The following FBXO7 variants were observed in gnomAD, a reference collection of about 807,000 sequenced individuals.
FBXO7 encodes F-box only protein 7.
In FBXO7, 31 loss-of-function variants were observed where a neutral mutation model predicts 50.2. That is an observed-to-expected ratio of 0.62 (90% CI 0.46 to 0.83). The LOEUF (loss-of-function observed/expected upper bound fraction) is 0.83. Among genes scored for constraint, FBXO7 ranks in the 40% least tolerant of loss-of-function variants. FBXO7 has a pLI of 0.00. For synonymous variants in FBXO7, 256 were observed against 253.1 expected, an observed-to-expected ratio of 1.01 and a Z score of -0.11; for missense variants, 667 against 646.6, an observed-to-expected ratio of 1.03 and a Z score of -0.34.
chr22:32,496,108 T>G (rs2057572672), intron 8 of FBXO7, among the ~76,000 whole-genome samples: 2 of 152,218 alleles, frequency 1.3e-5, no homozygotes, highest in Admixed American at 6.5e-5. Context: ...CTGACTCTTT[T>G]GTTAGGGGCT....
intron 5 of FBXO7, 195 bp downstream of exon 5, chr22:32,488,023 C>G (rs1763384201): frequency 3.7e-6 from 2 of 543,518 alleles, no homozygotes; most frequent in Non-Finnish European, 6.6e-6. Flanking sequence ...GAGTTTGTTT[C>G]TTTCCTGTTT....
At chr22:32,478,853 T>G in intron 1 of FBXO7, 128 bp from the exon 2 acceptor site, 1 of 924,970 alleles carries the variant, frequency 1.1e-6, no homozygotes, top group Non-Finnish European at 1.7e-6. Flanking sequence ...GACAACATAG[T>G]GAGACCTTGT....
chr22:32,474,862 C>T lies in FBXO7; in HGVS notation c.-141C>T. 2.5e-6 allele frequency: 2 copies of T among 805,362 alleles called. No individual in the cohort carries two copies. The highest frequency in any genetic ancestry group is 3.7e-6 in the Non-Finnish European group (2 of 535,866). 49.9% of individuals were successfully genotyped at this position (805,362 alleles called of 1,614,324 possible). A position where few individuals can be genotyped will look rare whatever the true frequency, so the allele number is the denominator to read the frequency against. On this transcript the variant is annotated 5_prime_UTR_variant, in exon 1 of 9. Transcript: ENST00000266087. ...GGCGGCCACTGTGGCGGGGCTCTTT[C>T]CCCGTTTCGCCTCAGCTACCCCTCA... is the stretch of plus-strand genomic sequence containing the variant.
In FBXO7 at chr22:32,474,974, C is replaced by T. The variant is rs1245174573; in HGVS notation, c.-29C>T. ...GCCGTCCCCGTCGCCGCTTCCGGGTCCAGGCCCCTCGGGCCGCCTGCCGCC... is the reference window on the plus strand; with the variant it reads ...GCCGTCCCCGTCGCCGCTTCCGGGTTCAGGCCCCTCGGGCCGCCTGCCGCC... On this transcript the variant is annotated 5_prime_UTR_variant, in exon 1 of 9. Transcript: ENST00000266087. The T allele has an allele frequency of 3.3e-6, 5 of 1,527,920 alleles. No individual in the cohort carries two copies. Among genetic ancestry groups the T allele is most frequent in the Non-Finnish European group, 3.5e-6 (4 of 1,142,488 alleles). The allele number at this position is 1,527,920 out of a possible 1,614,324, so 94.6% of individuals were successfully genotyped here.
intron 5 of FBXO7, chr22:32,490,219 T>A (rs2057525625): frequency 6.6e-6 from 1 of 152,362 alleles, no homozygotes; most frequent in Non-Finnish European, 1.5e-5. Context: ...ACAACGCTTA[T>A]CTGGTGTAGT....
intron 8 of FBXO7, among the ~76,000 whole-genome samples, chr22:32,496,679 A>G (rs948879039): frequency 1.3e-5 from 2 of 152,254 alleles, no homozygotes; most frequent in Non-Finnish European, 2.9e-5. Flanking sequence ...CAATGCAGCC[A>G]GTCATCCCAG....
rs973628333 is a variant in FBXO7 at position 32,474,956 on chromosome 22, C to G, written c.-47C>G. The G allele has an allele frequency of 6.6e-7, 1 of 1,508,650 alleles. No individual in the cohort carries two copies. Among genetic ancestry groups the G allele is most frequent in the South Asian group, 1.2e-5 (1 of 81,296 alleles). The allele number at this position is 1,508,650 out of a possible 1,614,324, so 93.5% of individuals were successfully genotyped here. A position where few individuals can be genotyped will look rare whatever the true frequency, so the allele number is the denominator to read the frequency against. On this transcript the variant is annotated 5_prime_UTR_variant, in exon 1 of 9. Coordinates refer to ENST00000266087, the MANE Select transcript of FBXO7 (RefSeq NM_012179.4). ...GAGCTGCTCGGCCCCGCCGCCGTCCCCGTCGCCGCTTCCGGGTCCAGGCCC... is the reference window on the plus strand; with the variant it reads ...GAGCTGCTCGGCCCCGCCGCCGTCCGCGTCGCCGCTTCCGGGTCCAGGCCC...
chr22:32,484,206 T>G, intron 3 of FBXO7, 82 bp downstream of exon 3: 1 of 1,243,710 alleles, frequency 8.0e-7, no homozygotes, highest in Non-Finnish European at 1.2e-6. Flanking sequence ...GCCCGTAGTC[T>G]GAGAGTGGCA....
intron 6 of FBXO7, 198 bp downstream of exon 6, chr22:32,491,379 A>T (rs1486739380): frequency 2.3e-5 from 12 of 532,218 alleles, no homozygotes; most frequent in African/African-American, 3.8e-5. Flanking sequence ...ACATATTTTT[A>T]TTGTAGTCTC....
chr22:32,491,264 G>C (rs1232328017), intron 6 of FBXO7, 83 bp downstream of exon 6: 16 of 1,002,530 alleles, frequency 1.6e-5, no homozygotes, highest in East Asian at 4.9e-5. Context: ...TATGACATCT[G>C]ACTGCCCTCT....
chr22:32,478,999 A>G lies in FBXO7; in HGVS notation c.141A>G (p.Thr47=). Residue 47 remains threonine (T), a synonymous_variant, in exon 2 of 9, where the codon ACA becomes ACG. Transcript: ENST00000266087. ...TTGGCAGTTCTAATACCCGATTTAC[A>G]ATTACATTGAACTACAAGGATCCCC... The part of the protein sequence containing the change: ...TWGYSSNTRF[T]ITLNYKDPLT... The G allele has an allele frequency of 6.2e-7, 1 of 1,614,210 alleles. No homozygotes were observed. The highest frequency in any genetic ancestry group is 8.5e-7 in the Non-Finnish European group (1 of 1,180,034).
chr22:32,478,443 T>C (rs1019641011), intron 1 of FBXO7, among the ~76,000 whole-genome samples: 3 of 152,192 alleles, frequency 2.0e-5, no homozygotes, highest in African/African-American at 7.2e-5. Flanking sequence ...CATCTTAGAA[T>C]TGAGGAAAGC....
chr22:32,491,223 A>G (rs373138616), intron 6 of FBXO7, 42 bp downstream of exon 6: 26 of 1,356,996 alleles, frequency 1.9e-5, no homozygotes, highest in Non-Finnish European at 2.7e-5. Flanking sequence ...GACTGTAAAG[A>G]ATAGTAAGTA....
chr22:32,483,779 C>T (rs2057479762), intron 2 of FBXO7, 118 bp from the exon 3 acceptor site: 1 of 866,608 alleles, frequency 1.2e-6, no homozygotes, highest in Non-Finnish European at 1.9e-6. Context: ...AAATGTCTCC[C>T]ATTTCTGAAC....
intron 1 of FBXO7, chr22:32,475,355 G>A (rs1318503100): frequency 6.2e-7 from 1 of 1,609,480 alleles, no homozygotes; most frequent in African/African-American, 1.3e-5. Flanking sequence ...TCCGGCTCCT[G>A]GAGAACATGG....
At position 32,475,133 on chromosome 22, in the gene FBXO7, G is replaced by A. The variant is rs192327462; in HGVS notation, c.122+9G>A. 8,418 of 1,540,668 alleles carry A rather than the reference G, an allele frequency of 5.5e-3. 28 individuals carry two copies. The highest frequency in any genetic ancestry group is 6.9e-3 in the Non-Finnish European group (7,861 of 1,143,862). On this transcript the variant is annotated intron_variant, in intron 1 of 8. Coordinates refer to ENST00000266087, the MANE Select transcript of FBXO7 (RefSeq NM_012179.4). ...TGCACCTGGGGGTACAGGTACGCTG[G>A]GGCCGGGGCTGGGCGGCCCGCGGGG...
chr22:32,494,510 TTTTGTTTGTTTG>T (rs869306329), intron 7 of FBXO7, among the ~76,000 whole-genome samples: 1 of 151,958 alleles, frequency 6.6e-6, no homozygotes, highest in Non-Finnish European at 1.5e-5. Flanking sequence ...CCTGGCCAAT[TTTTGTTTGTTTG>T]TTTGTTTGTT....
In FBXO7 at chr22:32,475,205, T is replaced by G. The variant is rs1015412622; in HGVS notation, c.122+81T>G. The stretch of plus-strand genomic sequence containing the variant: ...GTGCAGGGCGGGTTGGCGTCATCTG[T>G]GGGCTGCAGGCGCGGGCGTGGCCGG... On this transcript the variant is annotated intron_variant, in intron 1 of 8. Transcript: ENST00000266087. 24 of 1,511,400 alleles carry G rather than the reference T, an allele frequency of 1.6e-5. No homozygotes were observed. In the East Asian group the frequency reaches 6.1e-4, roughly 39 times the overall value. 93.6% of individuals were successfully genotyped at this position (1,511,400 alleles called of 1,614,324 possible). A position where few individuals can be genotyped will look rare whatever the true frequency, so the allele number is the denominator to read the frequency against.
intron 4 of FBXO7, among the ~76,000 whole-genome samples, chr22:32,486,580 T>C (rs544150947): frequency 3.3e-5 from 5 of 152,254 alleles, no homozygotes; most frequent in African/African-American, 1.2e-4. Context: ...GAAGCAATAT[T>C]CCTGCCTTGA....
Sources: allele counts gnomAD v4.1 joint callset (sites outside exome capture counted in the v4.1 genomes callset), GRCh38; gene constraint gnomAD v4.1.1; transcripts MANE v1.5; gene names NCBI Gene and HGNC (gene_info 2026-07-23, HGNC 2026-07-21).